Variants in GPR176 observed in about 807,000 individuals in gnomAD.
GPR176 encodes G-protein coupled receptor 176.
In GPR176, 26 loss-of-function variants were observed where a neutral mutation model predicts 35.4. The observed-to-expected ratio is 0.74, with a 90% CI of 0.54 to 1.02. The LOEUF (loss-of-function observed/expected upper bound fraction) is 1.02, where lower values mean the gene tolerates loss of function less well. Among genes scored for constraint, GPR176 ranks in the 50% least tolerant of loss-of-function variants. The probability of loss-of-function intolerance (pLI) is 0.00; values close to 1 mark genes in which losing one functional copy is unlikely to be tolerated. For synonymous variants in GPR176, 278 were observed against 271.3 expected (o/e 1.02, Z -0.24); for missense variants, 597 against 665.3 (o/e 0.90, Z 1.13).
chr15:39,807,182 C>T lies in GPR176; in HGVS notation c.249G>A (p.Leu83=). ...KSVTNRFIKN[L]ACSGICASLV... is the part of the protein sequence containing the mutation. ...GGCTGGCACAAATCCCCGAGCAGGCCAGGTTTTTAATGAACCTGTTGGTGA... is the reference window on the plus strand; with the variant it reads ...GGCTGGCACAAATCCCCGAGCAGGCTAGGTTTTTAATGAACCTGTTGGTGA... The change falls in exon 2 of 3, where the codon CTG becomes CTA. Residue 83 remains leucine (L), a synonymous_variant. Transcript: ENST00000561100. The T allele has an allele frequency of 6.2e-7, 1 of 1,613,688 alleles. No individual in the cohort carries two copies. Among genetic ancestry groups the T allele is most frequent in the African/African-American group, 1.3e-5 (1 of 74,970 alleles).
intron 1 of GPR176, among the ~76,000 whole-genome samples, chr15:39,811,597 T>A (rs1899549912): frequency 6.6e-6 from 1 of 152,158 alleles, no homozygotes. Flanking sequence ...AATGAGCATT[T>A]CATTTGAGCA....
chr15:39,846,169 T>G lies in GPR176; in HGVS notation c.173-38911A>C, dbSNP rs367996309. 2.0e-5 allele frequency among the ~76,000 whole-genome samples: 3 copies of G among 152,186 alleles called. No individual in the cohort carries two copies. In the East Asian group the frequency reaches 5.8e-4, roughly 29 times the overall value. ...AGGTACCATTTAAAACTCTGGGCAT[T>G]ATATACAACAAACATGAGAAGACTC... On this transcript the variant is annotated intron_variant, in intron 1 of 2. Coordinates refer to ENST00000561100, the MANE Select transcript of GPR176 (RefSeq NM_007223.3).
rs556775843 is a variant in GPR176, at chr15:39,801,279, C to A, written c.1401G>T (p.Glu467Asp). 2.9e-4 allele frequency: 464 copies of A among 1,614,190 alleles called. 4 individuals carry two copies. The South Asian group carries it at 3.8e-3, about 13-fold the overall frequency. The change falls in exon 3 of 3, where the codon GAG becomes GAT. Residue 467 changes from glutamate to aspartate, a missense_variant. This residue lies in a region of GPR176 where 251 missense variants were observed against 255.4 expected (regional missense o/e 0.98). Transcript: ENST00000561100. ...PFELPPQWLS[E>D]TRNSKKRLLP... Reference sequence around the variant, plus strand: ...GCAGCCGCTTCTTGCTGTTTCGGGTCTCTGAGAGCCACTGAGGAGGCAACT... The same window carrying A: ...GCAGCCGCTTCTTGCTGTTTCGGGTATCTGAGAGCCACTGAGGAGGCAACT...
At chr15:39,827,178 A>G (rs192463042) in intron 1 of GPR176, among the ~76,000 whole-genome samples, 38 of 152,346 alleles carry the variant, frequency 2.5e-4, no homozygotes, top group Middle Eastern at 6.8e-3. Context: ...GAGCATGAAT[A>G]TATATGAAAG....
At chr15:39,815,139 G>T (rs889511775) in intron 1 of GPR176, among the ~76,000 whole-genome samples, 6 of 152,236 alleles carry the variant, frequency 3.9e-5, no homozygotes, top group African/African-American at 1.4e-4. Flanking sequence ...CTGAAAGACA[G>T]AAAAAGAGAG....
intron 1 of GPR176, among the ~76,000 whole-genome samples, chr15:39,839,357 G>A (rs550738392): frequency 6.6e-6 from 1 of 152,154 alleles, no homozygotes; most frequent in African/African-American, 2.4e-5. Flanking sequence ...CGACAAACCT[G>A]TCAAAAACAA....
intron 1 of GPR176, among the ~76,000 whole-genome samples, chr15:39,893,820 T>C (rs1234707193): frequency 1.3e-5 from 1 of 76,808 alleles, no homozygotes. Flanking sequence ...GCGGCTGGCC[T>C]GGCAGAGGGG....
chr15:39,804,501 C>T (rs538044089), intron 2 of GPR176, among the ~76,000 whole-genome samples: 2 of 151,922 alleles, frequency 1.3e-5, no homozygotes, highest in Non-Finnish European at 2.9e-5. Context: ...TTACTGTTTT[C>T]GTATTTCTTT....
At chr15:39,808,443 T>C (rs1899334751) in intron 1 of GPR176, among the ~76,000 whole-genome samples, 1 of 152,190 alleles carries the variant, frequency 6.6e-6, no homozygotes, top group Non-Finnish European at 1.5e-5. Flanking sequence ...TGGGATGTTG[T>C]TCATATGTCT....
chr15:39,808,272 T>C (rs1028059777), intron 1 of GPR176, among the ~76,000 whole-genome samples: 2 of 152,162 alleles, frequency 1.3e-5, no homozygotes, highest in African/African-American at 2.4e-5. Flanking sequence ...ATCCCCACCA[T>C]GTTCCTCAAG....
At chr15:39,861,083 G>A (rs2031559154) in intron 1 of GPR176, among the ~76,000 whole-genome samples, 1 of 152,066 alleles carries the variant, frequency 6.6e-6, no homozygotes, top group South Asian at 2.1e-4. Context: ...ACAATCTAGA[G>A]TTAACAAACT....
intron 1 of GPR176, among the ~76,000 whole-genome samples, chr15:39,863,464 G>T (rs894879589): frequency 1.3e-5 from 2 of 151,856 alleles, no homozygotes; most frequent in South Asian, 4.1e-4. Flanking sequence ...TATTACAAAA[G>T]AATCCAAAAG....
At chr15:39,837,802 T>C (rs1453063760) in intron 1 of GPR176, among the ~76,000 whole-genome samples, 1 of 152,032 alleles carries the variant, frequency 6.6e-6, no homozygotes, top group Non-Finnish European at 1.5e-5. Flanking sequence ...AGTATTTATC[T>C]TTGTCTTTTC....
At chr15:39,840,374 T>C (rs979968210) in intron 1 of GPR176, among the ~76,000 whole-genome samples, 5 of 152,050 alleles carry the variant, frequency 3.3e-5, no homozygotes, top group African/African-American at 1.2e-4. Context: ...GAGCAAACTA[T>C]TGCAAGGACA....
At chr15:39,805,193 C>T (rs1216913501) in intron 2 of GPR176, among the ~76,000 whole-genome samples, 4 of 151,976 alleles carry the variant, frequency 2.6e-5, no homozygotes, top group Non-Finnish European at 4.4e-5. Context: ...CAAAATGGTT[C>T]GACATAAAAT....
At chr15:39,912,013 A>G (rs570961048) in intron 1 of GPR176, among the ~76,000 whole-genome samples, 1 of 152,338 alleles carries the variant, frequency 6.6e-6, no homozygotes, top group East Asian at 1.9e-4. Flanking sequence ...CCATGAAGGA[A>G]TGGAATACAG....
chr15:39,895,202 A>C (rs1407767443), intron 1 of GPR176, among the ~76,000 whole-genome samples: 3 of 147,240 alleles, frequency 2.0e-5, no homozygotes, highest in Non-Finnish European at 4.5e-5. Context: ...CATGAGAGGG[A>C]GACCGTGGAA....
At chr15:39,883,241 T>A (rs1421225627) in intron 1 of GPR176, among the ~76,000 whole-genome samples, 2 of 152,128 alleles carry the variant, frequency 1.3e-5, no homozygotes, top group African/African-American at 2.4e-5. Context: ...TATTTTCTAT[T>A]TTGGTAAAAT....
intron 1 of GPR176, among the ~76,000 whole-genome samples, chr15:39,818,955 C>CTT (rs1330006576): frequency 6.6e-6 from 1 of 152,182 alleles, no homozygotes; most frequent in Non-Finnish European, 1.5e-5. Context: ...TATTAACCTC[C>CTT]TTGAGAAGCA....
Sources: gnomAD v4.1 joint callset for allele counts (sites outside exome capture counted in the v4.1 genomes callset) on GRCh38, gnomAD v4.1.1 for gene constraint, gnomAD v4.1.1 regional missense constraint, MANE v1.5 for transcripts, NCBI Gene and HGNC (gene_info 2026-07-23, HGNC 2026-07-21) for gene names.